Variants in ANKRD44 observed in about 807,000 individuals in gnomAD.
ANKRD44 encodes the protein ankyrin repeat domain 44.
In ANKRD44, 35 loss-of-function variants were observed where a neutral mutation model predicts 116.0. That is an observed-to-expected ratio of 0.30 (90% confidence interval 0.23 to 0.40). ANKRD44 has a LOEUF of 0.40. ANKRD44 is among the 10% of genes least tolerant of loss of function. ANKRD44 has a pLI of 1.00. For missense variants in ANKRD44, 1,014 were observed against 1,242.6 expected (o/e 0.82, Z 2.77); for synonymous variants, 435 against 461.8 (o/e 0.94, Z 0.74).
At chr2:197,098,464 A>G (rs1400205984) in intron 10 of ANKRD44, among the ~76,000 whole-genome samples, 1 of 152,236 alleles carries the variant, frequency 6.6e-6, no homozygotes, top group African/African-American at 2.4e-5. Context: ...AACAAATAAA[A>G]TTCCTAAGAT....
At chr2:197,061,565 G>T (rs2077313782) in intron 16 of ANKRD44, among the ~76,000 whole-genome samples, 1 of 152,208 alleles carries the variant, frequency 6.6e-6, no homozygotes, top group Admixed American at 6.5e-5. Flanking sequence ...TAGAGCTCAT[G>T]GGAAACATGC....
intron 1 of ANKRD44, among the ~76,000 whole-genome samples, chr2:197,190,570 G>C (rs1446314194): frequency 6.6e-6 from 1 of 151,912 alleles, no homozygotes; most frequent in African/African-American, 2.4e-5. Context: ...AGAGCACTTT[G>C]GCACTCCTTT....
intron 16 of ANKRD44, among the ~76,000 whole-genome samples, chr2:197,065,356 G>A (rs2077408751): frequency 6.6e-6 from 1 of 152,194 alleles, no homozygotes; most frequent in South Asian, 2.1e-4. Flanking sequence ...AAGCAGGAAA[G>A]ATCTAAAATT....
intron 2 of ANKRD44, among the ~76,000 whole-genome samples, chr2:197,185,049 G>A (rs191179823): frequency 2.0e-5 from 3 of 152,322 alleles, no homozygotes; most frequent in Non-Finnish European, 2.9e-5. Flanking sequence ...GGAAAATATA[G>A]TAACCATGGC....
intron 18 of ANKRD44, among the ~76,000 whole-genome samples, chr2:197,012,365 T>C (rs754868103): frequency 8.0e-5 from 12 of 150,718 alleles, no homozygotes; most frequent in South Asian, 2.1e-4. Flanking sequence ...TCAGGAATTA[T>C]ATAATAACAA....
chr2:197,243,545 T>C (rs1233257145), intron 1 of ANKRD44, among the ~76,000 whole-genome samples: 1 of 152,214 alleles, frequency 6.6e-6, no homozygotes, highest in African/African-American at 2.4e-5. Context: ...ACTATCTTAG[T>C]CCACTTGAGT....
At chr2:197,251,060 T>TAAAA in intron 1 of ANKRD44, 1 of 152,336 alleles carries the variant, frequency 6.6e-6, no homozygotes, top group South Asian at 2.1e-4. Flanking sequence ...TTTTATTTAT[T>TAAAA]AACAATATAT....
chr2:196,989,802 G>A, intron 27 of ANKRD44, 153 bp from the exon 28 acceptor site: 1 of 1,419,650 alleles, frequency 7.0e-7, no homozygotes, highest in South Asian at 1.5e-5. Flanking sequence ...GACTTGGTAT[G>A]ACCTTGACTG....
intron 10 of ANKRD44, among the ~76,000 whole-genome samples, chr2:197,098,835 G>T (rs905346270): frequency 6.6e-6 from 1 of 151,980 alleles, no homozygotes; most frequent in Non-Finnish European, 1.5e-5. Flanking sequence ...ATTAGGCAAG[G>T]GGCTCAAAGT....
Position 197,305,266 on chromosome 2 carries a change from T to C in ANKRD44, c.27+5312A>G, listed in dbSNP as rs114272004. ...ATACAAAGGGGCTTTCAAATAATAC[T>C]AAACCCAACCAGTTTTCAAGAGGGA... On this transcript the variant is annotated intron_variant, in intron 1 of 27. Coordinates refer to ENST00000282272, the MANE Select transcript of ANKRD44 (RefSeq NM_001195144.2). 1.7e-3 allele frequency among the ~76,000 whole-genome samples: 256 copies of C among 152,246 alleles called. 1 individual carries two copies. Among genetic ancestry groups the C allele is most frequent in the Non-Finnish European group, 3.3e-3 (227 of 68,006 alleles).
At chr2:196,979,551 TGA>T (rs1459443969) in intron 21 of ANKRD44, among the ~76,000 whole-genome samples, 45 of 135,674 alleles carry the variant, frequency 3.3e-4, no homozygotes, top group African/African-American at 1.2e-3. Context: ...TTTAATAAGA[TGA>T]CTTTTTTTTT....
intron 1 of ANKRD44, among the ~76,000 whole-genome samples, chr2:197,279,992 C>T (rs1256774663): frequency 6.6e-6 from 1 of 152,214 alleles, no homozygotes; most frequent in Non-Finnish European, 1.5e-5. Flanking sequence ...ATAAGAATTT[C>T]GTCCTCCCTA....
intron 2 of ANKRD44, among the ~76,000 whole-genome samples, chr2:197,154,218 C>A (rs1322303102): frequency 3.1e-5 from 4 of 128,038 alleles, no homozygotes; most frequent in African/African-American, 8.9e-5. Flanking sequence ...CTCGCTCTGT[C>A]GCCCAGGCTG....
intron 21 of ANKRD44, among the ~76,000 whole-genome samples, chr2:197,003,886 G>A (rs970515250): frequency 6.6e-6 from 1 of 152,032 alleles, no homozygotes; most frequent in African/African-American, 2.4e-5. Context: ...AAACCAAGTT[G>A]AGGAAATAGA....
intron 18 of ANKRD44, among the ~76,000 whole-genome samples, chr2:197,013,186 G>C (rs1402133330): frequency 6.6e-6 from 1 of 152,094 alleles, no homozygotes; most frequent in East Asian, 1.9e-4. Flanking sequence ...AATACTGTTT[G>C]ATTTTGATGT....
At chr2:197,297,068 G>T (rs1177189789) in intron 1 of ANKRD44, among the ~76,000 whole-genome samples, 2 of 152,138 alleles carry the variant, frequency 1.3e-5, no homozygotes, top group Non-Finnish European at 1.5e-5. Context: ...AATTTTCAAA[G>T]TTCTTTTTGA....
chr2:197,094,747 A>G (rs947361544), intron 10 of ANKRD44, among the ~76,000 whole-genome samples: 4 of 152,230 alleles, frequency 2.6e-5, no homozygotes, highest in Admixed American at 2.6e-4. Context: ...CAAGTAAACA[A>G]ACCAATTTCT....
chr2:197,282,088 C>A (rs2083282260), intron 1 of ANKRD44, among the ~76,000 whole-genome samples: 1 of 152,034 alleles, frequency 6.6e-6, no homozygotes, highest in African/African-American at 2.4e-5. Flanking sequence ...CCCGTCTCTA[C>A]TAAAAATACA....
At chr2:197,171,701 T>C (rs540482778) in intron 2 of ANKRD44, among the ~76,000 whole-genome samples, 5 of 152,182 alleles carry the variant, frequency 3.3e-5, no homozygotes, top group African/African-American at 1.2e-4. Flanking sequence ...GATCGTCAAG[T>C]GTCGGTTTGT....
Sources: allele counts gnomAD v4.1 joint callset (sites outside exome capture counted in the v4.1 genomes callset), GRCh38; gene constraint gnomAD v4.1.1; transcripts MANE v1.5; gene names NCBI Gene and HGNC (gene_info 2026-07-23, HGNC 2026-07-21).